Variants in MAP4K2 observed in about 807,000 individuals in gnomAD.
MAP4K2 encodes the protein B lymphocyte serine/threonine protein kinase.
MAP4K2 carries 85 observed loss-of-function variants against 125.3 expected under a neutral mutation model. The observed-to-expected ratio is 0.68, with a 90% CI of 0.57 to 0.81. The LOEUF (loss-of-function observed/expected upper bound fraction) is 0.81, where lower values mean the gene tolerates loss of function less well. MAP4K2 is among the 40% of genes least tolerant of loss of function. MAP4K2 has a pLI of 0.00. For synonymous variants in MAP4K2, 479 were observed against 445.1 expected, an observed-to-expected ratio of 1.08 and a Z score of -0.96; for missense variants, 923 against 1,056.4, an observed-to-expected ratio of 0.87 and a Z score of 1.75.
chr11:64,801,654 G>C (rs1276253154), intron 6 of MAP4K2, 33 bp from the exon 7 acceptor site: 1 of 1,613,750 alleles, frequency 6.2e-7, no homozygotes, highest in East Asian at 2.2e-5. Context: ...ATCCCATCTG[G>C]TGCCCCCGAG....
In MAP4K2 at chr11:64,802,486, A is replaced by AGGGACAAAGAGCTGGGGTG; in HGVS notation, c.246-22_246-4dup. On this transcript the variant is annotated splice_polypyrimidine_tract_variant and splice_region_variant and intron_variant, in intron 3 of 31. Coordinates refer to ENST00000294066, the MANE Select transcript of MAP4K2 (RefSeq NM_004579.5). ...TGCAGATCCACAAGCGGTCATTCCT[A>AGGGACAAAGAGCTGGGGTG]GGGACAAAGAGCTGGGGTGGGCACA... The AGGGACAAAGAGCTGGGGTG allele has an allele frequency of 6.5e-7, 1 of 1,533,148 alleles. No homozygotes were observed. The highest frequency in any genetic ancestry group is 8.8e-7 in the Non-Finnish European group (1 of 1,139,768). 95.0% of individuals were successfully genotyped at this position (1,533,148 alleles called of 1,614,324 possible).
chr11:64,792,335 C>CCCCGG, intron 25 of MAP4K2, 29 bp downstream of exon 25: 1 of 1,520,558 alleles, frequency 6.6e-7, no homozygotes, highest in Non-Finnish European at 9.0e-7. Flanking sequence ...CACCAGGCCC[C>CCCCGG]GCCCCACCCC....
Position 64,789,614 on chromosome 11 carries a change from G to A in MAP4K2, c.2386C>T (p.Leu796=), listed in dbSNP as rs1363873111. ...RVLGAHRDII[L]ESIPTDNPEA... ...GGGTTGTCAGTGGGAATGCTCTCCA[G>A]GATGATGTCTCTGGAGGAGAGAGGA... is the stretch of plus-strand genomic sequence containing the variant. The change falls in exon 32 of 32, where the codon CTG becomes TTG. Residue 796 remains leucine, a synonymous_variant. Coordinates refer to ENST00000294066, the MANE Select transcript of MAP4K2 (RefSeq NM_004579.5). 5.0e-6 allele frequency: 8 copies of A among 1,609,494 alleles called. No individual in the cohort carries two copies. Among genetic ancestry groups the A allele is most frequent in the African/African-American group, 1.3e-5 (1 of 74,908 alleles).
In MAP4K2 at chr11:64,788,516, C is replaced by T. The variant is rs1940298404; in HGVS notation, c.*1021G>A. 6.6e-6 allele frequency: 1 copy of T among 152,336 alleles called. No homozygotes were observed. The highest frequency in any genetic ancestry group is 2.1e-4 in the South Asian group (1 of 4,834). 9.4% of individuals were successfully genotyped at this position (152,336 alleles called of 1,614,324 possible). On this transcript the variant is annotated 3_prime_UTR_variant, in exon 32 of 32. Coordinates refer to ENST00000294066, the MANE Select transcript of MAP4K2 (RefSeq NM_004579.5). ...CAAGCTACAGGAGAATGGCCATGCC[C>T]TCAAGATGCAGGCTCCAGCAAGGAG...
In MAP4K2 at chr11:64,800,363, A is replaced by G; in HGVS notation, c.755T>C (p.Leu252Pro). The G allele has an allele frequency of 6.2e-7, 1 of 1,614,074 alleles. No individual in the cohort carries two copies. Among genetic ancestry groups the G allele is most frequent in the Non-Finnish European group, 8.5e-7 (1 of 1,180,008 alleles). The change falls in exon 11 of 32, where the codon CTG (leucine) becomes CCG (proline). Residue 252 changes from leucine to proline, a missense_variant. Around this residue, in one of 2 missense-constraint regions of MAP4K2, gnomAD observed 833 missense variants for 911.4 expected, o/e 0.91. Transcript: ENST00000294066. ...CTTCTTAGGATTCTTGGTCAGGGCCAGTTTGAGAAAGTGGTGGAAATTCTG... is the reference window on the plus strand; with the variant it reads ...CTTCTTAGGATTCTTGGTCAGGGCCGGTTTGAGAAAGTGGTGGAAATTCTG... Reference protein sequence around the residue: ...WTQNFHHFLKLALTKNPKKRP... With the variant: ...WTQNFHHFLKPALTKNPKKRP...
Position 64,800,757 on chromosome 11 carries a change from C to G in MAP4K2, c.725+7G>C. 3 of 1,598,678 alleles carry G rather than the reference C, an allele frequency of 1.9e-6. No individual in the cohort carries two copies. The highest frequency in any genetic ancestry group is 2.6e-6 in the Non-Finnish European group (3 of 1,172,704). ...AGGGGGTCCCGGCAGCAGGGTGTGG[C>G]CCTTACCAGCGAGTCTTATCTCTCA... On this transcript the variant is annotated splice_region_variant and intron_variant, in intron 10 of 31. Transcript: ENST00000294066.
chr11:64,789,848 C>A (rs565609247), intron 30 of MAP4K2, 41 bp downstream of exon 30: 8 of 1,614,054 alleles, frequency 5.0e-6, no homozygotes, highest in Middle Eastern at 1.7e-4. Context: ...GAGGTAGGGA[C>A]CACAAGGCAG....
rs370692655 is a variant in MAP4K2, at chr11:64,802,648, C to T, written c.160G>A (p.Asp54Asn). ...VKIVKLDPGDDISSLQQEITI... is the reference protein window; with the variant it reads ...VKIVKLDPGDNISSLQQEITI... ...ATTTCCTGCTGGAGGGAGCTGATGTCGTCCCCTGGGAAGCACAAAGCATCA... is the reference window on the plus strand; with the variant it reads ...ATTTCCTGCTGGAGGGAGCTGATGTTGTCCCCTGGGAAGCACAAAGCATCA... The change falls in exon 3 of 32, where the codon GAC (aspartate) becomes AAC (asparagine). Residue 54 changes from aspartate to asparagine, a missense_variant. By Grantham distance (23) the Asp-to-Asn change is conservative. Transcript: ENST00000294066. 2.5e-6 allele frequency: 4 copies of T among 1,612,232 alleles called. No homozygotes were observed. The highest frequency in any genetic ancestry group is 1.3e-5 in the African/African-American group (1 of 74,904).
At position 64,801,117 on chromosome 11, in the gene MAP4K2, G is replaced by A; in HGVS notation, c.524C>T (p.Pro175Leu). Residue 175 changes from proline to leucine, a missense_variant, in exon 8 of 32, where the codon CCC (proline) becomes CTC (leucine). This residue lies in a region of MAP4K2 where 833 missense variants were observed against 911.4 expected (regional missense o/e 0.91). Transcript: ENST00000294066. ...GCCCCAGGCGCAGCCTCACCAGTAG[G>A]GAGTCCCAATGAAAGACCTCCTCTT... ...VAKRRSFIGTPYWMAPEVAAV... is the reference protein window; with the variant it reads ...VAKRRSFIGTLYWMAPEVAAV... 2 of 1,613,600 alleles carry A rather than the reference G, an allele frequency of 1.2e-6. No individual in the cohort carries two copies. The highest frequency in any genetic ancestry group is 1.1e-5 in the South Asian group (1 of 91,090).
intron 7 of MAP4K2, 150 bp from the exon 8 acceptor site, chr11:64,801,333 G>T (rs1941152710): frequency 1.9e-6 from 2 of 1,063,770 alleles, no homozygotes; most frequent in East Asian, 5.2e-5. Context: ...GCAAGGCCAG[G>T]TCCCTCTCCT....
At position 64,792,408 on chromosome 11, in the gene MAP4K2, G is replaced by T; in HGVS notation, c.1766C>A (p.Ser589Tyr). ...QRIIPRRFAL[S>Y]TKIPDTKGCL... ...GCCTTTGGTGTCAGGAATCTTGGTGGACAGAGCAAAGCGCCTGTAGGGGTG... is the reference window on the plus strand; with the variant it reads ...GCCTTTGGTGTCAGGAATCTTGGTGTACAGAGCAAAGCGCCTGTAGGGGTG... Residue 589 changes from serine to tyrosine, a missense_variant, in exon 25 of 32, where the codon TCC (serine) becomes TAC (tyrosine). This residue lies in a region of MAP4K2 where 833 missense variants were observed against 911.4 expected (regional missense o/e 0.91). Transcript: ENST00000294066. The T allele has an allele frequency of 6.3e-7, 1 of 1,593,916 alleles. No individual in the cohort carries two copies. The highest frequency in any genetic ancestry group is 8.5e-7 in the Non-Finnish European group (1 of 1,169,866).
At chr11:64,799,289 T>C in intron 14 of MAP4K2, 132 bp downstream of exon 14, 1 of 1,097,318 alleles carries the variant, frequency 9.1e-7, no homozygotes, top group South Asian at 1.4e-5. Flanking sequence ...ACAGGCTTGC[T>C]TGGACAGTCT....
In MAP4K2 at chr11:64,803,072, G is replaced by A; in HGVS notation, c.78C>T (p.Thr26=). ...FELLQRVGAG[T]YGDVYKARDT... is the part of the protein sequence containing the mutation. Reference sequence around the variant, plus strand: ...GTCGCACCTTGTAGACGTCGCCATAGGTCCCGGCCCCCACGCGCTGCAGCA... The same window carrying A: ...GTCGCACCTTGTAGACGTCGCCATAAGTCCCGGCCCCCACGCGCTGCAGCA... The change falls in exon 1 of 32, where the codon ACC becomes ACT. Residue 26 remains threonine, a synonymous_variant. Coordinates refer to ENST00000294066, the MANE Select transcript of MAP4K2 (RefSeq NM_004579.5). The A allele has an allele frequency of 6.2e-7, 1 of 1,603,516 alleles. No homozygotes were observed. The highest frequency in any genetic ancestry group is 8.5e-7 in the Non-Finnish European group (1 of 1,178,118).
rs1940341750 is a variant in MAP4K2 at position 64,789,485 on chromosome 11, T to G, written c.*52A>C. 2 of 1,517,466 alleles carry G rather than the reference T, an allele frequency of 1.3e-6. No homozygotes were observed. Among genetic ancestry groups the G allele is most frequent in the African/African-American group, 2.8e-5 (2 of 72,530 alleles). The allele number at this position is 1,517,466 out of a possible 1,614,324, so 94.0% of individuals were successfully genotyped here. ...ATGGGCCCCTTTGCCCAAAAGGGCCTGCAGCTAAGGCGTGGGGTGGGGCGG... is the reference window on the plus strand; with the variant it reads ...ATGGGCCCCTTTGCCCAAAAGGGCCGGCAGCTAAGGCGTGGGGTGGGGCGG... On this transcript the variant is annotated 3_prime_UTR_variant, in exon 32 of 32. Coordinates refer to ENST00000294066, the MANE Select transcript of MAP4K2 (RefSeq NM_004579.5).
intron 12 of MAP4K2, 110 bp from the exon 13 acceptor site, chr11:64,799,793 G>C (rs1393503230): frequency 1.2e-6 from 1 of 813,092 alleles, no homozygotes; most frequent in Non-Finnish European, 2.0e-6. Flanking sequence ...CAGCCCTCTG[G>C]GACTACTGTA....
Position 64,801,307 on chromosome 11 carries a change from C to A in MAP4K2, c.458-124G>T, listed in dbSNP as rs1452494963. On this transcript the variant is annotated intron_variant, in intron 7 of 31. Transcript: ENST00000294066. Reference sequence around the variant, plus strand: ...GGCAGGTGGCCCCGCTTGGTCACAGCTGCCGCAGGCCCTAGGCAAGGCCAG... The same window carrying A: ...GGCAGGTGGCCCCGCTTGGTCACAGATGCCGCAGGCCCTAGGCAAGGCCAG... 9.0e-6 allele frequency: 11 copies of A among 1,227,764 alleles called. No individual in the cohort carries two copies. In the African/African-American group the frequency reaches 1.5e-4, roughly 17 times the overall value. The allele number at this position is 1,227,764 out of a possible 1,614,324, so 76.1% of individuals were successfully genotyped here.
chr11:64,800,025 G>A, intron 12 of MAP4K2, 84 bp downstream of exon 12: 1 of 1,163,048 alleles, frequency 8.6e-7, no homozygotes, highest in Non-Finnish European at 1.2e-6. Flanking sequence ...AATGGTGCCA[G>A]TTAAAGGACC....
chr11:64,798,754 GCCCCTGCCA>G, intron 15 of MAP4K2, 31 bp downstream of exon 15: 1 of 1,610,854 alleles, frequency 6.2e-7, no homozygotes, highest in Non-Finnish European at 8.5e-7. Context: ...CCTTTCTGCC[GCCCCTGCCA>G]CCCCCTGCAG....
intron 24 of MAP4K2, among the ~76,000 whole-genome samples, chr11:64,793,649 C>T (rs963841877): frequency 6.6e-6 from 1 of 152,226 alleles, no homozygotes; most frequent in Non-Finnish European, 1.5e-5. Flanking sequence ...GTCTGTCTCT[C>T]ACTGTCCCTG....
Sources: gnomAD v4.1 joint callset for allele counts (sites outside exome capture counted in the v4.1 genomes callset) on GRCh38, gnomAD v4.1.1 for gene constraint, gnomAD v4.1.1 regional missense constraint, MANE v1.5 for transcripts, NCBI Gene and HGNC (gene_info 2026-07-23, HGNC 2026-07-21) for gene names.